The following CTNNA3 variants were observed in gnomAD, a reference collection of about 807,000 sequenced individuals.
CTNNA3 encodes the protein catenin alpha-3.
In CTNNA3, 76 loss-of-function variants were observed where a neutral mutation model predicts 95.7. That is an observed-to-expected ratio of 0.79 (90% confidence interval 0.66 to 0.96). The LOEUF is 0.96. CTNNA3 is among the 40% of genes least tolerant of loss of function. CTNNA3 has a pLI of 0.00. For synonymous variants in CTNNA3, 431 were observed against 374.4 expected (o/e 1.15, Z -1.74); for missense variants, 1,191 against 1,089.8 (o/e 1.09, Z -1.31).
intron 7 of CTNNA3, among the ~76,000 whole-genome samples, chr10:67,151,936 C>T (rs1364910108): frequency 6.6e-6 from 1 of 152,224 alleles, no homozygotes; most frequent in East Asian, 1.9e-4. Flanking sequence ...TTCCTTTCTT[C>T]TCCAGTTTCC....
chr10:67,438,839 T>A (rs1846395075), intron 5 of CTNNA3, among the ~76,000 whole-genome samples: 1 of 152,140 alleles, frequency 6.6e-6, no homozygotes. Context: ...CTTAGCCAGC[T>A]CCTGCCCAAA....
At chr10:67,410,323 G>C (rs1477669796) in intron 5 of CTNNA3, among the ~76,000 whole-genome samples, 1 of 151,928 alleles carries the variant, frequency 6.6e-6, no homozygotes, top group African/African-American at 2.4e-5. Flanking sequence ...TAGACACATG[G>C]GGGGAACAAC....
chr10:66,020,728 C>T (rs2079186229), intron 15 of CTNNA3, among the ~76,000 whole-genome samples: 1 of 145,436 alleles, frequency 6.9e-6, no homozygotes, highest in African/African-American at 2.6e-5. Context: ...AGTGCAATGG[C>T]ACGATCTCTG....
chr10:67,538,409 T>C (rs1350396663), intron 4 of CTNNA3, among the ~76,000 whole-genome samples: 1 of 151,440 alleles, frequency 6.6e-6, no homozygotes, highest in Non-Finnish European at 1.5e-5. Flanking sequence ...CCCCCGTCTC[T>C]ACTAAAAATA....
intron 13 of CTNNA3, among the ~76,000 whole-genome samples, chr10:66,162,560 G>C (rs1041355301): frequency 2.6e-5 from 4 of 152,134 alleles, no homozygotes; most frequent in Admixed American, 2.6e-4. Context: ...GATGTGAACT[G>C]CCTATGGTTC....
At chr10:66,788,165 T>A (rs145966355) in intron 7 of CTNNA3, among the ~76,000 whole-genome samples, 3 of 152,290 alleles carry the variant, frequency 2.0e-5, no homozygotes, top group Non-Finnish European at 4.4e-5. Flanking sequence ...GTTCAGAATC[T>A]TAAGTGTTAG....
chr10:66,137,911 T>C (rs1046936411), intron 13 of CTNNA3, among the ~76,000 whole-genome samples: 51 of 151,892 alleles, frequency 3.4e-4, no homozygotes, highest in Admixed American at 1.9e-3. Context: ...GATTATGTCA[T>C]TGTACTCCAG....
chr10:66,912,610 T>C lies in CTNNA3; in HGVS notation c.1048-137086A>G, dbSNP rs545505527. On this transcript the variant is annotated intron_variant, in intron 7 of 17. Transcript: ENST00000433211. ...ATGAACACAACACCAGGAAGAGTCA[T>C]CCTATTTCCACCAAATACATTCCCT... Among the ~76,000 whole-genome samples the C allele has an allele frequency of 3.3e-5, 5 of 152,254 alleles. No homozygotes were observed. In the East Asian group the frequency reaches 9.6e-4, roughly 29 times the overall value.
intron 7 of CTNNA3, among the ~76,000 whole-genome samples, chr10:66,829,915 G>T (rs1842654578): frequency 6.6e-6 from 1 of 150,560 alleles, no homozygotes; most frequent in South Asian, 2.1e-4. Context: ...CCCCAGGCTG[G>T]AGTGCAGTGG....
chr10:65,955,797 T>G (rs546453267), intron 17 of CTNNA3, among the ~76,000 whole-genome samples: 163 of 152,296 alleles, frequency 1.1e-3, no homozygotes, highest in African/African-American at 3.6e-3. Context: ...TGCCAGTATT[T>G]TACTGAGGAT....
At chr10:66,512,380 G>A (rs879304681) in intron 11 of CTNNA3, among the ~76,000 whole-genome samples, 1 of 152,004 alleles carries the variant, frequency 6.6e-6, no homozygotes, top group African/African-American at 2.4e-5. Flanking sequence ...GGTTGTTATT[G>A]ATAAGATGAG....
chr10:66,250,750 T>C (rs900854497), intron 13 of CTNNA3, among the ~76,000 whole-genome samples: 5 of 152,238 alleles, frequency 3.3e-5, no homozygotes, highest in African/African-American at 1.2e-4. Flanking sequence ...TCTCTTGACA[T>C]GACAAATGCT....
rs1866905696 is a variant in CTNNA3, at chr10:67,268,210, A to G, written c.580-48340T>C. On this transcript the variant is annotated intron_variant, in intron 5 of 17. Coordinates refer to ENST00000433211, the MANE Select transcript of CTNNA3 (RefSeq NM_013266.4). ...GCCAAGCATGGTGGCTCATGCTTGT[A>G]AAGTCAGTATTTTGGGAGGCGAAGG... is the stretch of plus-strand genomic sequence containing the variant. 2.6e-5 allele frequency among the ~76,000 whole-genome samples: 4 copies of G among 151,960 alleles called. No individual in the cohort carries two copies. The South Asian group carries it at 8.3e-4, about 32-fold the overall frequency.
At chr10:67,710,931 G>T (rs776807624) in intron 1 of CTNNA3, among the ~76,000 whole-genome samples, 1 of 152,188 alleles carries the variant, frequency 6.6e-6, no homozygotes, top group Non-Finnish European at 1.5e-5. Flanking sequence ...CGTGTTGTGG[G>T]AGGGACCAAG....
intron 6 of CTNNA3, among the ~76,000 whole-genome samples, chr10:67,199,380 T>A (rs1043347632): frequency 7.9e-5 from 12 of 152,188 alleles, no homozygotes; most frequent in Admixed American, 2.6e-4. Context: ...TTGTTGTTGT[T>A]GTTTTTCCAG....
chr10:66,916,256 C>T (rs994322913), intron 7 of CTNNA3, among the ~76,000 whole-genome samples: 1 of 152,170 alleles, frequency 6.6e-6, no homozygotes, highest in Non-Finnish European at 1.5e-5. Context: ...TGAGTCATAT[C>T]GCCTATTTAT....
chr10:66,193,226 C>T (rs895519729), intron 13 of CTNNA3, among the ~76,000 whole-genome samples: 1 of 152,086 alleles, frequency 6.6e-6, no homozygotes, highest in Non-Finnish European at 1.5e-5. Flanking sequence ...AGTACAATTT[C>T]AATCAGAGAG....
intron 13 of CTNNA3, among the ~76,000 whole-genome samples, chr10:66,253,890 C>T (rs890661803): frequency 1.2e-4 from 18 of 152,122 alleles, no homozygotes; most frequent in African/African-American, 3.6e-4. Context: ...GGGCAACTAT[C>T]TCTGATGGTT....
intron 12 of CTNNA3, among the ~76,000 whole-genome samples, chr10:66,362,538 C>T (rs2092683948): frequency 6.6e-6 from 1 of 151,830 alleles, no homozygotes; most frequent in Admixed American, 6.6e-5. Context: ...TGCTGAAACC[C>T]TATCTCTACT....
Sources: allele counts gnomAD v4.1 joint callset (sites outside exome capture counted in the v4.1 genomes callset), GRCh38; gene constraint gnomAD v4.1.1; transcripts MANE v1.5; gene names NCBI Gene and HGNC (gene_info 2026-07-23, HGNC 2026-07-21).